DCC: variants seen among roughly 807,000 people sequenced by gnomAD.
The protein encoded by DCC is netrin receptor DCC.
In DCC, 58 loss-of-function variants were observed where a neutral mutation model predicts 172.5. That is an observed-to-expected ratio of 0.34 (90% confidence interval 0.27 to 0.42). The LOEUF (loss-of-function observed/expected upper bound fraction) is 0.42, where lower values mean the gene tolerates loss of function less well. Among genes scored for constraint, DCC ranks in the 10% least tolerant of loss-of-function variants. DCC has a pLI of 1.00. For missense variants in DCC, 1,740 were observed against 1,791.0 expected, an observed-to-expected ratio of 0.97 and a Z score of 0.51; for synonymous variants, 709 against 644.5, an observed-to-expected ratio of 1.10 and a Z score of -1.52.
At chr18:52,508,058 C>T (rs1221993) in intron 1 of DCC, among the ~76,000 whole-genome samples, 36,324 of 151,800 alleles carry the variant, frequency 0.24, 4,463 homozygotes, top group African/African-American at 0.28. Flanking sequence ...TGAGTTTGAG[C>T]CACTGCACTC....
At chr18:52,908,865 C>A (rs1598919444) in intron 3 of DCC, among the ~76,000 whole-genome samples, 1 of 152,134 alleles carries the variant, frequency 6.6e-6, no homozygotes, top group African/African-American at 2.4e-5. Flanking sequence ...CAAATATAAA[C>A]TTTAGAAAAA....
intron 15 of DCC, among the ~76,000 whole-genome samples, chr18:53,351,692 C>T (rs1555656980): frequency 6.6e-6 from 1 of 150,882 alleles, no homozygotes; most frequent in Non-Finnish European, 1.5e-5. Flanking sequence ...TTCAAGCATT[C>T]AAAGAATAAA....
intron 7 of DCC, among the ~76,000 whole-genome samples, chr18:53,109,645 G>A (rs2144246366): frequency 6.7e-6 from 1 of 148,718 alleles, no homozygotes; most frequent in Admixed American, 6.8e-5. Context: ...TAGAGCAGTG[G>A]TTCTTAACCC....
chr18:52,468,848 A>G (rs1988863625), intron 1 of DCC, among the ~76,000 whole-genome samples: 1 of 152,164 alleles, frequency 6.6e-6, no homozygotes, highest in Non-Finnish European at 1.5e-5. Context: ...TAATTTTAAA[A>G]GTAAAGTGTG....
intron 2 of DCC, among the ~76,000 whole-genome samples, chr18:52,899,441 C>T (rs1010124032): frequency 6.9e-6 from 1 of 144,948 alleles, no homozygotes; most frequent in African/African-American, 2.5e-5. Context: ...GCAACTTCCA[C>T]CTCCTGGGTT....
At chr18:53,321,414 T>G (rs11662416) in intron 13 of DCC, among the ~76,000 whole-genome samples, 45,206 of 152,080 alleles carry the variant, frequency 0.3, 8,641 homozygotes, top group Non-Finnish European at 0.44. Flanking sequence ...ATGATCCATG[T>G]GGTCTCTCTA....
At chr18:52,809,345 A>T (rs116504973) in intron 2 of DCC, 9,116 of 158,970 alleles carry the variant, frequency 0.057, 430 homozygotes, top group African/African-American at 0.13. Context: ...CACTCCCAAG[A>T]TGGCAGCAAG....
chr18:52,627,833 T>C (rs1258751569), intron 1 of DCC, among the ~76,000 whole-genome samples: 1 of 152,176 alleles, frequency 6.6e-6, no homozygotes, highest in Non-Finnish European at 1.5e-5. Context: ...GTGTTACCAT[T>C]CCACATAATG....
At chr18:52,948,057 G>A (rs1325753565) in intron 5 of DCC, among the ~76,000 whole-genome samples, 1 of 152,238 alleles carries the variant, frequency 6.6e-6, no homozygotes, top group East Asian at 1.9e-4. Flanking sequence ...TGGCGTTCTA[G>A]CTAAATAAAA....
intron 14 of DCC, among the ~76,000 whole-genome samples, chr18:53,325,024 C>T (rs898569379): frequency 2.6e-5 from 4 of 151,806 alleles, no homozygotes; most frequent in African/African-American, 9.7e-5. Flanking sequence ...GAAACCCCGT[C>T]TCTACTAAAA....
At chr18:52,905,664 G>C (rs929541860) in intron 2 of DCC, among the ~76,000 whole-genome samples, 1 of 152,132 alleles carries the variant, frequency 6.6e-6, no homozygotes, top group Non-Finnish European at 1.5e-5. Flanking sequence ...ACCAGGATTC[G>C]GAAGAACAAG....
At chr18:53,204,889 G>C (rs1450887162) in intron 9 of DCC, among the ~76,000 whole-genome samples, 1 of 152,074 alleles carries the variant, frequency 6.6e-6, no homozygotes, top group African/African-American at 2.4e-5. Flanking sequence ...TAGTGGCATA[G>C]TGGCAAATTT....
At chr18:52,422,708 G>A (rs1404714721) in intron 1 of DCC, among the ~76,000 whole-genome samples, 3 of 152,188 alleles carry the variant, frequency 2.0e-5, no homozygotes, top group Non-Finnish European at 4.4e-5. Flanking sequence ...AGGTGGAAGA[G>A]AATAGCTAGG....
intron 1 of DCC, among the ~76,000 whole-genome samples, chr18:52,397,206 C>T (rs1297045353): frequency 6.6e-6 from 1 of 151,772 alleles, no homozygotes; most frequent in Non-Finnish European, 1.5e-5. Context: ...TTCTGGGCCC[C>T]ACTACTAGAA....
chr18:53,119,771 G>A (rs757274452), intron 7 of DCC, among the ~76,000 whole-genome samples: 4 of 151,776 alleles, frequency 2.6e-5, no homozygotes, highest in Non-Finnish European at 4.4e-5. Context: ...TAATTGAACA[G>A]TAAGGTTGCA....
intron 7 of DCC, among the ~76,000 whole-genome samples, chr18:53,089,540 A>G (rs1369537429): frequency 6.6e-6 from 1 of 152,078 alleles, no homozygotes; most frequent in African/African-American, 2.4e-5. Flanking sequence ...ATAAAGATGA[A>G]TGTAATCCAG....
intron 2 of DCC, among the ~76,000 whole-genome samples, chr18:52,862,991 T>C (rs1371802933): frequency 1.3e-5 from 2 of 152,158 alleles, no homozygotes; most frequent in East Asian, 3.8e-4. Flanking sequence ...AGGCTAATTT[T>C]AATAAAATTT....
chr18:52,865,262 C>T (rs1003968396), intron 2 of DCC, among the ~76,000 whole-genome samples: 1 of 152,036 alleles, frequency 6.6e-6, no homozygotes, highest in African/African-American at 2.4e-5. Context: ...GGGTTGGTTC[C>T]AAGTCTTTGC....
intron 15 of DCC, among the ~76,000 whole-genome samples, chr18:53,373,226 C>T (rs1178865167): frequency 1.7e-4 from 26 of 152,010 alleles, no homozygotes; most frequent in Non-Finnish European, 8.8e-5. Flanking sequence ...TCTTTTGTGC[C>T]TTTGATTTCT....
Sources: allele counts gnomAD v4.1 joint callset (sites outside exome capture counted in the v4.1 genomes callset), GRCh38; gene constraint gnomAD v4.1.1; transcripts MANE v1.5; gene names NCBI Gene and HGNC (gene_info 2026-07-23, HGNC 2026-07-21).